The following FOCAD variants were observed in gnomAD, a reference collection of about 807,000 sequenced individuals.
FOCAD encodes the protein focadhesin.
In FOCAD, 198 loss-of-function variants were observed where a neutral mutation model predicts 225.6. The observed-to-expected ratio is 0.88, with a 90% CI of 0.78 to 0.99. The LOEUF is 0.99. Ranked by LOEUF, FOCAD falls within the 50% of genes least tolerant of loss-of-function variation. The pLI is 0.00. For missense variants in FOCAD, 2,713 were observed against 2,123.6 expected (o/e 1.28, Z -5.46); for synonymous variants, 897 against 755.0 (o/e 1.19, Z -3.08).
intron 2 of FOCAD, chr9:20,716,059 C>T (rs764510162): frequency 2.3e-6 from 1 of 432,242 alleles, no homozygotes; most frequent in South Asian, 1.8e-5. Context: ...CATACAGCAC[C>T]TTGGATACTT....
chr9:20,708,913 C>T (rs775722727), intron 1 of FOCAD, among the ~76,000 whole-genome samples: 2 of 152,292 alleles, frequency 1.3e-5, no homozygotes, highest in Middle Eastern at 3.4e-3. Context: ...TTGGACCCTC[C>T]TCCTCCAACT....
At chr9:20,841,293 T>G (rs1826498919) in intron 15 of FOCAD, among the ~76,000 whole-genome samples, 2 of 151,946 alleles carry the variant, frequency 1.3e-5, no homozygotes, top group Non-Finnish European at 2.9e-5. Context: ...ATAGTTTAAG[T>G]AGGATTGATT....
In FOCAD at chr9:20,944,759, C is replaced by A; in HGVS notation, c.3540C>A (p.Ser1180Arg). 6.2e-7 allele frequency: 1 copy of A among 1,612,776 alleles called. No homozygotes were observed. The highest frequency in any genetic ancestry group is 8.5e-7 in the Non-Finnish European group (1 of 1,179,112). Residue 1180 changes from serine to arginine, a missense_variant, in exon 29 of 44, where the codon AGC becomes AGA. By Grantham distance (110) the Ser-to-Arg change is moderately radical. Transcript: ENST00000338382. ...SAHVDDSGSQ[S>R]RTFQEVLAYT... ...ACGTAGATGACAGCGGGAGCCAGAG[C>A]AGAACGTTTCAGGAGGTAAGAGATG...
intron 10 of FOCAD, among the ~76,000 whole-genome samples, chr9:20,785,218 C>CT (rs929053280): frequency 6.6e-6 from 1 of 152,116 alleles, no homozygotes; most frequent in African/African-American, 2.4e-5. Flanking sequence ...GAACCCAATT[C>CT]TTTTTTAATA....
chr9:20,745,826 A>G (rs1827995657), intron 5 of FOCAD, among the ~76,000 whole-genome samples: 1 of 152,234 alleles, frequency 6.6e-6, no homozygotes, highest in South Asian at 2.1e-4. Context: ...TGTTCGTGGC[A>G]GATGGTGTGC....
At chr9:20,751,091 G>A (rs994092473) in intron 5 of FOCAD, among the ~76,000 whole-genome samples, 1 of 151,936 alleles carries the variant, frequency 6.6e-6, no homozygotes, top group African/African-American at 2.4e-5. Flanking sequence ...TGTAAATTTG[G>A]AACTTTTGAT....
At chr9:20,860,487 C>T (rs951666370) in intron 15 of FOCAD, among the ~76,000 whole-genome samples, 1 of 152,064 alleles carries the variant, frequency 6.6e-6, no homozygotes, top group Non-Finnish European at 1.5e-5. Flanking sequence ...AGTCTCTTGG[C>T]CTTTGTCCCT....
chr9:20,887,843 CA>C (rs1194084618), intron 21 of FOCAD, among the ~76,000 whole-genome samples: 1 of 152,126 alleles, frequency 6.6e-6, no homozygotes, highest in Non-Finnish European at 1.5e-5. Flanking sequence ...GCCTTCTTGT[CA>C]GTGCTTGATA....
intron 18 of FOCAD, among the ~76,000 whole-genome samples, chr9:20,870,052 C>A (rs2131751190): frequency 6.6e-6 from 1 of 152,214 alleles, no homozygotes; most frequent in East Asian, 1.9e-4. Context: ...GGAGAAGTTT[C>A]CTTGTTAAAA....
At position 20,885,094 on chromosome 9, in the gene FOCAD, T is replaced by G; in HGVS notation, c.2504-15T>G. Reference sequence around the variant, plus strand: ...AAATAAAAATAAAATAAAGTCTATATAATTTTTTTTAAAGGTGGTATGTTA... The same window carrying G: ...AAATAAAAATAAAATAAAGTCTATAGAATTTTTTTTAAAGGTGGTATGTTA... On this transcript the variant is annotated splice_polypyrimidine_tract_variant and intron_variant, in intron 20 of 43. Coordinates refer to ENST00000338382, the MANE Select transcript of FOCAD (RefSeq NM_001375567.1). The G allele has an allele frequency of 7.3e-7, 1 of 1,364,486 alleles. No homozygotes were observed. Among genetic ancestry groups the G allele is most frequent in the African/African-American group, 1.5e-5 (1 of 66,462 alleles). The allele number at this position is 1,364,486 out of a possible 1,614,324, so 84.5% of individuals were successfully genotyped here.
At chr9:20,754,569 T>C (rs946011096) in intron 5 of FOCAD, among the ~76,000 whole-genome samples, 1 of 152,122 alleles carries the variant, frequency 6.6e-6, no homozygotes, top group Non-Finnish European at 1.5e-5. Context: ...TTTAACAATT[T>C]GGGACTGGTG....
Position 20,697,959 on chromosome 9 carries a change from T to A in FOCAD, c.-33+13666T>A, listed in dbSNP as rs182935848. 3.3e-4 allele frequency among the ~76,000 whole-genome samples: 50 copies of A among 152,346 alleles called. No homozygotes were observed. The East Asian group carries it at 7.9e-3, about 24-fold the overall frequency. Reference sequence around the variant, plus strand: ...CAGGACCATTATAGCTTCTAATAACTCAAAGGTGTGACTTTCGCATTAAAT... The same window carrying A: ...CAGGACCATTATAGCTTCTAATAACACAAAGGTGTGACTTTCGCATTAAAT... On this transcript the variant is annotated intron_variant, in intron 1 of 43. Coordinates refer to ENST00000338382, the MANE Select transcript of FOCAD (RefSeq NM_001375567.1).
At chr9:20,907,274 C>G (rs377118519) in intron 22 of FOCAD, 32 bp downstream of exon 22, 4 of 1,540,568 alleles carry the variant, frequency 2.6e-6, no homozygotes, top group South Asian at 1.1e-5. Context: ...TTTGCTTTGG[C>G]GAAATGTCTC....
chr9:20,861,252 A>G (rs143653483), intron 15 of FOCAD, among the ~76,000 whole-genome samples: 232 of 152,272 alleles, frequency 1.5e-3, no homozygotes, highest in African/African-American at 5.2e-3. Context: ...AAGTTTTTGA[A>G]GGATTAGATC....
At chr9:20,762,042 T>A (rs1367471886) in intron 6 of FOCAD, among the ~76,000 whole-genome samples, 1 of 152,212 alleles carries the variant, frequency 6.6e-6, no homozygotes, top group Non-Finnish European at 1.5e-5. Context: ...GCTCCTGATG[T>A]CAAATCATAA....
chr9:20,790,378 T>C (rs1405328197), intron 11 of FOCAD, among the ~76,000 whole-genome samples: 1 of 152,226 alleles, frequency 6.6e-6, no homozygotes, highest in African/African-American at 2.4e-5. Flanking sequence ...TGTGTTTCTT[T>C]TCAAGAATGA....
chr9:20,951,206 T>C, intron 34 of FOCAD, 108 bp downstream of exon 34: 2 of 789,952 alleles, frequency 2.5e-6, no homozygotes, highest in Non-Finnish European at 4.2e-6. Flanking sequence ...AAGTAATGGG[T>C]ATTACCATCT....
chr9:20,728,471 T>A (rs1172555677), intron 4 of FOCAD, among the ~76,000 whole-genome samples: 1 of 152,214 alleles, frequency 6.6e-6, no homozygotes, highest in Non-Finnish European at 1.5e-5. Context: ...AATTTTCAAC[T>A]TGTGGTGTCA....
intron 15 of FOCAD, among the ~76,000 whole-genome samples, chr9:20,850,066 G>T (rs1256208332): frequency 6.6e-6 from 1 of 151,290 alleles, no homozygotes; most frequent in East Asian, 1.9e-4. Flanking sequence ...TTTATGTTTT[G>T]ATTAATTGTA....
Sources: allele counts gnomAD v4.1 joint callset (sites outside exome capture counted in the v4.1 genomes callset), GRCh38; gene constraint gnomAD v4.1.1; transcripts MANE v1.5; gene names NCBI Gene and HGNC (gene_info 2026-07-23, HGNC 2026-07-21).